The following NEBL variants were observed in gnomAD, a reference collection of about 807,000 sequenced individuals.
NEBL encodes the protein nebulette.
A neutral mutation model predicts 140.2 loss-of-function variants in NEBL; 122 were observed. That is an observed-to-expected ratio of 0.87 (90% CI 0.75 to 1.01). The LOEUF (loss-of-function observed/expected upper bound fraction) is 1.01, where lower values mean the gene tolerates loss of function less well. Among genes scored for constraint, NEBL ranks in the 50% least tolerant of loss-of-function variants. The pLI, the probability that NEBL is intolerant of heterozygous loss-of-function variation, is 0.00. For synonymous variants in NEBL, 436 were observed against 398.9 expected, an observed-to-expected ratio of 1.09 and a Z score of -1.11; for missense variants, 1,365 against 1,231.3, an observed-to-expected ratio of 1.11 and a Z score of -1.62.
chr10:20,999,592 C>T (rs990924801), intron 3 of NEBL, among the ~76,000 whole-genome samples: 1 of 152,170 alleles, frequency 6.6e-6, no homozygotes, highest in African/African-American at 2.4e-5. Context: ...GAGTGAGACC[C>T]TGTCTCACCT....
intron 3 of NEBL, among the ~76,000 whole-genome samples, chr10:21,221,138 G>T (rs893476058): frequency 6.6e-6 from 1 of 152,002 alleles, no homozygotes; most frequent in African/African-American, 2.4e-5. Flanking sequence ...TGGGTGACAG[G>T]GAGAGACTCT....
intron 2 of NEBL, among the ~76,000 whole-genome samples, chr10:21,064,599 T>A (rs151024067): frequency 8.5e-4 from 129 of 152,352 alleles, no homozygotes; most frequent in African/African-American, 3.1e-3. Flanking sequence ...TGTATGTTGC[T>A]CCTTTATTAA....
chr10:20,883,121 C>G (rs574635184), intron 4 of NEBL, among the ~76,000 whole-genome samples: 2 of 152,306 alleles, frequency 1.3e-5, no homozygotes, highest in South Asian at 4.1e-4. Flanking sequence ...ATGGTTGGAC[C>G]ATTCTTAATT....
At chr10:21,112,083 G>A (rs1838040854) in intron 2 of NEBL, among the ~76,000 whole-genome samples, 1 of 152,154 alleles carries the variant, frequency 6.6e-6, no homozygotes, top group Admixed American at 6.5e-5. Flanking sequence ...TGAAAAGTCA[G>A]GAAACAACAG....
At chr10:21,242,725 C>G (rs905398727) in intron 3 of NEBL, among the ~76,000 whole-genome samples, 1 of 152,114 alleles carries the variant, frequency 6.6e-6, no homozygotes, top group African/African-American at 2.4e-5. Flanking sequence ...TTTGTATTTA[C>G]AAAGTACTGG....
Position 20,952,918 on chromosome 10 carries a change from A to G in NEBL, c.357+8754T>C, listed in dbSNP as rs553359539. Among the ~76,000 whole-genome samples, 11 of 150,830 alleles carry G rather than the reference A, an allele frequency of 7.3e-5. No homozygotes were observed. In the East Asian group the frequency reaches 2.1e-3, roughly 29 times the overall value. ...AGACCCTGTCTCAAAAAAAAAAAAA[A>G]AAAAAAAGAAAAAGAAAAAAGAAAA... is the stretch of plus-strand genomic sequence containing the variant. On this transcript the variant is annotated intron_variant, in intron 4 of 6. Transcript: ENST00000417816.
At chr10:21,189,759 G>A (rs975671943) in intron 3 of NEBL, among the ~76,000 whole-genome samples, 2 of 152,118 alleles carry the variant, frequency 1.3e-5, no homozygotes, top group Admixed American at 1.3e-4. Context: ...GAGCCACCGC[G>A]CCTGGCCCAG....
At chr10:20,830,873 CAGCCTGGGTGAA>C (rs1352491628) in intron 16 of NEBL, among the ~76,000 whole-genome samples, 1 of 145,068 alleles carries the variant, frequency 6.9e-6, no homozygotes, top group African/African-American at 2.6e-5. Flanking sequence ...CACTGCATTC[CAGCCTGGGTGAA>C]AGAGTGAGAC....
intron 3 of NEBL, among the ~76,000 whole-genome samples, chr10:20,983,471 A>G (rs1171677653): frequency 6.6e-6 from 1 of 152,208 alleles, no homozygotes; most frequent in East Asian, 1.9e-4. Flanking sequence ...TTGGCTAGCC[A>G]AAACAGTGAA....
chr10:21,274,631 G>A (rs1016915018), intron 1 of NEBL, among the ~76,000 whole-genome samples: 1 of 151,892 alleles, frequency 6.6e-6, no homozygotes, highest in African/African-American at 2.4e-5. Context: ...TCATCATGTT[G>A]GCCAGCCTGG....
rs1564518128 is a variant in NEBL, at chr10:21,120,417, TA to T, written c.164+51965del. Among the ~76,000 whole-genome samples the T allele has an allele frequency of 2.5e-4, 32 of 129,522 alleles. 1 individual carries two copies. The highest frequency in any genetic ancestry group is 7.5e-4 in the South Asian group (3 of 3,976). The allele number at this position is 129,522 out of a possible 152,430, so 85.0% of individuals were successfully genotyped here. A position where few individuals can be genotyped will look rare whatever the true frequency, so the allele number is the denominator to read the frequency against. On this transcript the variant is annotated intron_variant, in intron 2 of 6. Transcript: ENST00000417816. ...ACATATATATATATATATATATATA[TA>T]TATATAAATTTGATCACTGGTTTAA...
intron 2 of NEBL, among the ~76,000 whole-genome samples, chr10:21,051,510 A>G (rs773787648): frequency 1.5e-4 from 23 of 152,346 alleles, no homozygotes; most frequent in Middle Eastern, 3.4e-3. Flanking sequence ...TACATAATAT[A>G]CATAAAAGAA....
chr10:20,844,178 G>A (rs529635989), intron 12 of NEBL, among the ~76,000 whole-genome samples: 1 of 152,162 alleles, frequency 6.6e-6, no homozygotes, highest in African/African-American at 2.4e-5. Flanking sequence ...CAGTTAAACG[G>A]TATGACCAGT....
chr10:21,030,846 G>A, intron 2 of NEBL: 1 of 330,020 alleles, frequency 3.0e-6, no homozygotes, highest in South Asian at 2.6e-5. Flanking sequence ...TCCATGCAGG[G>A]GTGGTATTCA....
intron 3 of NEBL, among the ~76,000 whole-genome samples, chr10:21,183,175 T>C (rs575654188): frequency 1.3e-5 from 2 of 152,178 alleles, no homozygotes; most frequent in South Asian, 4.2e-4. Flanking sequence ...CACCTCCCTC[T>C]CTGTTCCCAG....
At chr10:20,871,267 A>G (rs960463256) in intron 5 of NEBL, among the ~76,000 whole-genome samples, 4 of 152,188 alleles carry the variant, frequency 2.6e-5, no homozygotes, top group Admixed American at 1.3e-4. Context: ...AAAGATTTAG[A>G]TTCCTGAGGT....
chr10:21,225,533 T>C (rs753635507), intron 3 of NEBL, among the ~76,000 whole-genome samples: 2 of 152,170 alleles, frequency 1.3e-5, no homozygotes, highest in Admixed American at 6.5e-5. Flanking sequence ...AGGGCCTGAA[T>C]TGAAAACCTT....
intron 2 of NEBL, among the ~76,000 whole-genome samples, chr10:21,022,378 G>A (rs1465506991): frequency 6.6e-6 from 1 of 152,158 alleles, no homozygotes; most frequent in Non-Finnish European, 1.5e-5. Context: ...GTAATCATTT[G>A]TCGGTGCAGA....
At chr10:20,920,918 G>A (rs1589014373) in intron 4 of NEBL, among the ~76,000 whole-genome samples, 2 of 151,960 alleles carry the variant, frequency 1.3e-5, no homozygotes, top group South Asian at 4.2e-4. Flanking sequence ...TGTATGATTA[G>A]GTCCATTTAT....
Sources: gnomAD v4.1 joint callset for allele counts (sites outside exome capture counted in the v4.1 genomes callset) on GRCh38, gnomAD v4.1.1 for gene constraint, MANE v1.5 for transcripts, NCBI Gene and HGNC (gene_info 2026-07-23, HGNC 2026-07-21) for gene names.